RHBDD1: variants seen among roughly 807,000 people sequenced by gnomAD.
The protein encoded by RHBDD1 is rhomboid-related protein 4.
In RHBDD1, 38 loss-of-function variants were observed where a neutral mutation model predicts 36.3. That is an observed-to-expected ratio of 1.05 (90% CI 0.81 to 1.37). The LOEUF is 1.37. RHBDD1 is among the 40% of genes most tolerant of loss of function. The pLI is 0.00. For missense variants in RHBDD1, 393 were observed against 377.6 expected (o/e 1.04, Z -0.34); for synonymous variants, 151 against 136.5 (o/e 1.11, Z -0.74).
chr2:226,834,573 A>G (rs1940824684), upstream of RHBDD1, among the ~76,000 whole-genome samples: 1 of 152,358 alleles, frequency 6.6e-6, no homozygotes, highest in Middle Eastern at 3.4e-3. Context: ...TCCAAAATAA[A>G]TATTTCTATG....
At chr2:226,800,742 TG>T in the RHBDD1 span, among the ~76,000 whole-genome samples, 5 of 152,166 alleles carry the variant, frequency 3.3e-5, no homozygotes, top group African/African-American at 1.2e-4. Flanking sequence ...TTGGCTGAAA[TG>T]TTTGTTTCAC....
At chr2:226,875,616 A>C (rs528396352) in intron 5 of RHBDD1, among the ~76,000 whole-genome samples, 1 of 152,344 alleles carries the variant, frequency 6.6e-6, no homozygotes, top group South Asian at 2.1e-4. Context: ...GATTTGAGAA[A>C]TTAGGAGGCG....
chr2:226,964,064 C>G (rs1410834408), intron 8 of RHBDD1, among the ~76,000 whole-genome samples: 2 of 152,156 alleles, frequency 1.3e-5, no homozygotes, highest in Non-Finnish European at 2.9e-5. Context: ...CTGGATCCCT[C>G]CCATCAACAC....
intron 3 of RHBDD1, among the ~76,000 whole-genome samples, chr2:226,856,615 G>A (rs1943351122): frequency 6.6e-6 from 1 of 152,138 alleles, no homozygotes; most frequent in African/African-American, 2.4e-5. Context: ...AGTTACAGGG[G>A]TTGGAAGAAA....
At chr2:226,861,855 A>C (rs1943884871) in intron 3 of RHBDD1, among the ~76,000 whole-genome samples, 2 of 152,216 alleles carry the variant, frequency 1.3e-5, no homozygotes, top group Non-Finnish European at 2.9e-5. Flanking sequence ...ATCCAAAGTT[A>C]TGTGGGAGCA....
At chr2:226,950,438 C>T (rs1951340138) in intron 8 of RHBDD1, among the ~76,000 whole-genome samples, 1 of 152,152 alleles carries the variant, frequency 6.6e-6, no homozygotes, top group Non-Finnish European at 1.5e-5. Context: ...TTTATTTATT[C>T]ATTCACCTGT....
chr2:226,957,063 C>G (rs1951833138), intron 8 of RHBDD1, among the ~76,000 whole-genome samples: 1 of 152,138 alleles, frequency 6.6e-6, no homozygotes, highest in Admixed American at 6.5e-5. Flanking sequence ...TAGATCTTAG[C>G]AAAAATCGAT....
At chr2:226,972,589 C>A (rs534372295) in intron 8 of RHBDD1, among the ~76,000 whole-genome samples, 1 of 152,170 alleles carries the variant, frequency 6.6e-6, no homozygotes, top group Non-Finnish European at 1.5e-5. Context: ...GCTTCATGGA[C>A]GGAGCTTCTG....
rs573039750 is a variant in RHBDD1, at chr2:226,993,504, A to G, written c.857-1927A>G. Among the ~76,000 whole-genome samples, 8 of 152,368 alleles carry G rather than the reference A, an allele frequency of 5.3e-5. No individual in the cohort carries two copies. The South Asian group carries it at 1.7e-3, about 32-fold the overall frequency. ...ATAAAACAGTTTTAAGCAATCAACT[A>G]CTGGTGATTTGATTCATGAATATGT... On this transcript the variant is annotated intron_variant, in intron 8 of 8. Coordinates refer to ENST00000392062, the MANE Select transcript of RHBDD1 (RefSeq NM_001167608.3).
At chr2:226,871,064 A>G (rs2125297468) in intron 5 of RHBDD1, among the ~76,000 whole-genome samples, 1 of 152,348 alleles carries the variant, frequency 6.6e-6, no homozygotes, top group Middle Eastern at 3.4e-3. Flanking sequence ...AATATTTGAC[A>G]AGAATAAAAT....
At chr2:226,952,070 G>A (rs1951462432) in intron 8 of RHBDD1, among the ~76,000 whole-genome samples, 1 of 152,124 alleles carries the variant, frequency 6.6e-6, no homozygotes, top group Non-Finnish European at 1.5e-5. Context: ...GTGGAGTTGG[G>A]GTGAGGGAGT....
chr2:226,876,023 C>T (rs1945210031), intron 5 of RHBDD1, among the ~76,000 whole-genome samples: 1 of 152,178 alleles, frequency 6.6e-6, no homozygotes, highest in South Asian at 2.1e-4. Context: ...CACTGGCATG[C>T]AGCAATGTAC....
intron 8 of RHBDD1, among the ~76,000 whole-genome samples, chr2:226,956,025 G>T (rs748970058): frequency 5.0e-4 from 76 of 152,280 alleles, no homozygotes; most frequent in Non-Finnish European, 9.7e-4. Flanking sequence ...CCCCATGACA[G>T]CCCTATGAAG....
At chr2:226,956,544 G>A (rs2149246463) in intron 8 of RHBDD1, among the ~76,000 whole-genome samples, 1 of 152,272 alleles carries the variant, frequency 6.6e-6, no homozygotes, top group Admixed American at 6.5e-5. Context: ...TGTTGTTGTT[G>A]TTGTTGTGAG....
At chr2:226,894,667 G>A (rs1946955955) in intron 5 of RHBDD1, among the ~76,000 whole-genome samples, 1 of 152,152 alleles carries the variant, frequency 6.6e-6, no homozygotes, top group Non-Finnish European at 1.5e-5. Flanking sequence ...ATGTGTCTGT[G>A]TACACAAAGT....
intron 3 of RHBDD1, among the ~76,000 whole-genome samples, chr2:226,848,429 A>G (rs1311774394): frequency 6.6e-6 from 1 of 152,214 alleles, no homozygotes; most frequent in Admixed American, 6.5e-5. Flanking sequence ...AAAGTGTCAT[A>G]TCTTACTAGT....
At chr2:226,931,181 T>A (rs955938264) in intron 8 of RHBDD1, among the ~76,000 whole-genome samples, 2 of 152,070 alleles carry the variant, frequency 1.3e-5, no homozygotes, top group African/African-American at 4.8e-5. Flanking sequence ...GAAGTCATTA[T>A]GCACACCTGC....
intron 8 of RHBDD1, among the ~76,000 whole-genome samples, chr2:226,922,625 G>A (rs1353987217): frequency 1.3e-5 from 2 of 151,884 alleles, no homozygotes; most frequent in Non-Finnish European, 2.9e-5. Flanking sequence ...TGCTATTATT[G>A]TTTAGTAAAG....
At chr2:226,801,018 G>A in the RHBDD1 span, among the ~76,000 whole-genome samples, 1 of 152,150 alleles carries the variant, frequency 6.6e-6, no homozygotes, top group Non-Finnish European at 1.5e-5. Flanking sequence ...CTGCTTGCTC[G>A]CCTGGCACTA....
Sources: gnomAD v4.1 joint callset for allele counts (sites outside exome capture counted in the v4.1 genomes callset) on GRCh38, gnomAD v4.1.1 for gene constraint, MANE v1.5 for transcripts, NCBI Gene and HGNC (gene_info 2026-07-23, HGNC 2026-07-21) for gene names.